LMNTD1: variants seen among roughly 807,000 people sequenced by gnomAD.
The protein encoded by LMNTD1 is lamin tail domain containing 1, also known as lamin tail domain-containing protein 1.
In LMNTD1, 35 loss-of-function variants were observed where a neutral mutation model predicts 50.9. The ratio of observed to expected loss-of-function variants is 0.69; its 90% CI spans 0.53 to 0.91. The LOEUF is 0.91. Among genes scored for constraint, LMNTD1 ranks in the 40% least tolerant of loss-of-function variants. The pLI is 0.00. For missense variants in LMNTD1, 470 were observed against 475.5 expected (o/e 0.99, Z 0.11); for synonymous variants, 153 against 161.9 (o/e 0.94, Z 0.42).
intron 1 of LMNTD1, among the ~76,000 whole-genome samples, chr12:25,644,738 T>C (rs946564029): frequency 5.3e-5 from 8 of 152,076 alleles, no homozygotes; most frequent in South Asian, 4.2e-4. Context: ...AGTTTAACTA[T>C]AAGAACAAGA....
At chr12:25,616,652 G>C (rs1264998544) in intron 1 of LMNTD1, among the ~76,000 whole-genome samples, 2 of 152,096 alleles carry the variant, frequency 1.3e-5, no homozygotes, top group Admixed American at 1.3e-4. Flanking sequence ...TGTTACCATT[G>C]GGGAAAACTG....
At chr12:25,611,695 A>G (rs1179741227) in intron 1 of LMNTD1, among the ~76,000 whole-genome samples, 1 of 152,230 alleles carries the variant, frequency 6.6e-6, no homozygotes, top group Non-Finnish European at 1.5e-5. Flanking sequence ...ACGTACACAC[A>G]CACAGTCATA....
chr12:25,635,793 G>A lies in LMNTD1; in HGVS notation c.58+12701C>T, dbSNP rs1053385883. On this transcript the variant is annotated intron_variant, in intron 1 of 7. Transcript: ENST00000445693. Reference sequence around the variant, plus strand: ...GTACTGGTATAAAAACAGGCACATAGACCAATGGAACAGAATAGAAAACTG... The same window carrying A: ...GTACTGGTATAAAAACAGGCACATAAACCAATGGAACAGAATAGAAAACTG... 2.0e-5 allele frequency among the ~76,000 whole-genome samples: 3 copies of A among 152,172 alleles called. No homozygotes were observed. The East Asian group carries it at 5.8e-4, about 29-fold the overall frequency.
chr12:25,575,216 G>C (rs1944956585), intron 1 of LMNTD1, among the ~76,000 whole-genome samples: 4 of 152,008 alleles, frequency 2.6e-5, no homozygotes, highest in Non-Finnish European at 5.9e-5. Flanking sequence ...CACACCCCAA[G>C]GGATTTTTAT....
In LMNTD1 at chr12:25,529,106, C is replaced by A. The variant is rs143747458; in HGVS notation, c.492-2151G>T. Among the ~76,000 whole-genome samples the A allele has an allele frequency of 7.1e-3, 1,078 of 152,234 alleles. 16 individuals are homozygous for A. The highest frequency in any genetic ancestry group is 0.024 in the African/African-American group (1,014 of 41,530). ...CTTCATGTCTCCTCAGTATTGGCCTCTTTTTGGAAACTCTTCCCTTTGTTT... is the reference window on the plus strand; with the variant it reads ...CTTCATGTCTCCTCAGTATTGGCCTATTTTTGGAAACTCTTCCCTTTGTTT... On this transcript the variant is annotated intron_variant, in intron 4 of 9. Coordinates refer to ENST00000458174, the MANE Select transcript of LMNTD1 (RefSeq NM_001145728.2).
chr12:25,547,499 C>T (rs1286231715), intron 3 of LMNTD1: 4 of 151,624 alleles, frequency 2.6e-5, no homozygotes, highest in Non-Finnish European at 1.5e-5. Context: ...TAATGTGACT[C>T]TCGGTCCAAA....
intron 9 of LMNTD1, among the ~76,000 whole-genome samples, chr12:25,491,069 T>C (rs1938865993): frequency 6.6e-6 from 1 of 152,198 alleles, no homozygotes. Flanking sequence ...TGGCTACTGG[T>C]GTTGGGGCCC....
Position 25,576,646 on chromosome 12 carries a change from T to C in LMNTD1, c.59-30092A>G, listed in dbSNP as rs1479919877. 3.3e-5 allele frequency among the ~76,000 whole-genome samples: 5 copies of C among 152,348 alleles called. No homozygotes were observed. In the East Asian group the frequency reaches 9.6e-4, roughly 29 times the overall value. ...ATTTTCTCCCATTCTGTAAGTTGCCTGTTCACTCTGATGGTAGTTTCTTTT... is the reference window on the plus strand; with the variant it reads ...ATTTTCTCCCATTCTGTAAGTTGCCCGTTCACTCTGATGGTAGTTTCTTTT... On this transcript the variant is annotated intron_variant, in intron 1 of 7. Coordinates refer to the LMNTD1 transcript ENST00000445693.
intron 1 of LMNTD1, among the ~76,000 whole-genome samples, chr12:25,606,482 A>C (rs1378691870): frequency 1.3e-5 from 2 of 152,004 alleles, no homozygotes; most frequent in East Asian, 3.9e-4. Flanking sequence ...CATAGATAGC[A>C]CTTATTATTT....
At chr12:25,631,209 A>G (rs907454447) in intron 1 of LMNTD1, among the ~76,000 whole-genome samples, 12 of 151,424 alleles carry the variant, frequency 7.9e-5, no homozygotes, top group African/African-American at 2.7e-4. Flanking sequence ...TTCCCTACCC[A>G]CCCTGGTAGC....
chr12:25,621,189 T>G (rs755958927), intron 1 of LMNTD1, among the ~76,000 whole-genome samples: 1 of 152,236 alleles, frequency 6.6e-6, no homozygotes, highest in Non-Finnish European at 1.5e-5. Context: ...TAACCGCATC[T>G]ATTAACATGT....
At chr12:25,613,072 C>T (rs1052914536) in intron 1 of LMNTD1, among the ~76,000 whole-genome samples, 48 of 152,156 alleles carry the variant, frequency 3.2e-4, no homozygotes, top group African/African-American at 1.1e-3. Flanking sequence ...AAGGGATTGT[C>T]CCCTGGAAGC....
At chr12:25,614,136 G>A (rs1487714882) in intron 1 of LMNTD1, among the ~76,000 whole-genome samples, 1 of 152,118 alleles carries the variant, frequency 6.6e-6, no homozygotes, top group East Asian at 1.9e-4. Flanking sequence ...TCAGTCGCCA[G>A]TGGGAGTAGG....
At chr12:25,612,290 T>TCA (rs71705893) in intron 1 of LMNTD1, among the ~76,000 whole-genome samples, 1,342 of 107,230 alleles carry the variant, frequency 0.013, 27 homozygotes, top group African/African-American at 0.035. Flanking sequence ...CTAAGGTCCC[T>TCA]CACACACACA....
At chr12:25,548,930 C>A (rs1373658093) in intron 3 of LMNTD1, among the ~76,000 whole-genome samples, 1 of 151,938 alleles carries the variant, frequency 6.6e-6, no homozygotes, top group Non-Finnish European at 1.5e-5. Context: ...TTAAGCCATA[C>A]ATCTCGTAAA....
intron 9 of LMNTD1, among the ~76,000 whole-genome samples, chr12:25,493,524 A>C (rs1265687693): frequency 6.6e-6 from 1 of 152,196 alleles, no homozygotes; most frequent in Non-Finnish European, 1.5e-5. Context: ...CACCCAAAAC[A>C]TAAAAGGCCA....
chr12:25,523,183 A>G (rs1941463383), intron 6 of LMNTD1, among the ~76,000 whole-genome samples: 1 of 151,944 alleles, frequency 6.6e-6, no homozygotes, highest in Non-Finnish European at 1.5e-5. Context: ...ACAGGCGGGC[A>G]CCACCACACC....
intron 1 of LMNTD1, among the ~76,000 whole-genome samples, chr12:25,611,707 C>A (rs1190828554): frequency 6.6e-6 from 1 of 152,198 alleles, no homozygotes. Flanking sequence ...ACAGTCATAG[C>A]CATGAGTACT....
At chr12:25,622,463 G>GCTCCC (rs1555124240) in intron 1 of LMNTD1, among the ~76,000 whole-genome samples, 7 of 111,214 alleles carry the variant, frequency 6.3e-5, no homozygotes, top group African/African-American at 1.8e-4. Flanking sequence ...GAGTTTGTGA[G>GCTCCC]CCCGCCCCCC....
Sources: gnomAD v4.1 joint callset for allele counts (sites outside exome capture counted in the v4.1 genomes callset) on GRCh38, gnomAD v4.1.1 for gene constraint, MANE v1.5 for transcripts, NCBI Gene and HGNC (gene_info 2026-07-23, HGNC 2026-07-21) for gene names.